KLHL3: variants seen among roughly 807,000 people sequenced by gnomAD.
KLHL3 encodes the protein kelch-like protein 3.
KLHL3 carries 19 observed loss-of-function variants against 70.5 expected under a neutral mutation model. The ratio of observed to expected loss-of-function variants is 0.27; its 90% CI spans 0.19 to 0.40. KLHL3 has a LOEUF of 0.40. Ranked by LOEUF, KLHL3 falls within the 10% of genes least tolerant of loss-of-function variation. The probability of loss-of-function intolerance (pLI) is 1.00; values close to 1 mark genes in which losing one functional copy is unlikely to be tolerated. For synonymous variants in KLHL3, 258 were observed against 290.3 expected, an observed-to-expected ratio of 0.89 and a Z score of 1.13; for missense variants, 512 against 771.1, an observed-to-expected ratio of 0.66 and a Z score of 3.98.
intron 12 of KLHL3, among the ~76,000 whole-genome samples, chr5:137,630,512 C>G (rs1465833085): frequency 6.6e-6 from 1 of 152,188 alleles, no homozygotes; most frequent in African/African-American, 2.4e-5. Flanking sequence ...GGAGCAGTCA[C>G]ACATCTCAGG....
At chr5:137,720,821 A>AT in intron 1 of KLHL3, 1 of 1,343,300 alleles carries the variant, frequency 7.4e-7, no homozygotes, top group Non-Finnish European at 9.6e-7. Flanking sequence ...GTACTGTGTG[A>AT]TTTTGTGTGA....
chr5:137,718,645 G>C lies in KLHL3; in HGVS notation c.134+1820C>G, dbSNP rs1752940728. Among the ~76,000 whole-genome samples the C allele has an allele frequency of 2.0e-5, 3 of 152,240 alleles. 1 individual carries two copies. The highest frequency in any genetic ancestry group is 2.0e-4 in the Admixed American group (3 of 15,288). On this transcript the variant is annotated intron_variant, in intron 2 of 14. Coordinates refer to ENST00000309755, the MANE Select transcript of KLHL3 (RefSeq NM_017415.3). ...CCAGGCAAAATAAGGCCTGGTGAAA[G>C]ACTCCTAAATCAGACAAAGGGCACA...
chr5:137,682,882 C>T (rs1310110225), intron 5 of KLHL3, among the ~76,000 whole-genome samples: 1 of 152,174 alleles, frequency 6.6e-6, no homozygotes, highest in Non-Finnish European at 1.5e-5. Flanking sequence ...CAGGACTATT[C>T]TTCTCTCTTC....
chr5:137,727,456 C>G (rs1202528010), intron 1 of KLHL3, among the ~76,000 whole-genome samples: 1 of 152,154 alleles, frequency 6.6e-6, no homozygotes. Flanking sequence ...CTCACTGATT[C>G]CTCACTGCAT....
At chr5:137,656,642 A>G (rs957762464) in intron 8 of KLHL3, among the ~76,000 whole-genome samples, 4 of 152,272 alleles carry the variant, frequency 2.6e-5, no homozygotes, top group Admixed American at 2.6e-4. Context: ...TATTTCAACC[A>G]AACAAAACAA....
intron 8 of KLHL3, among the ~76,000 whole-genome samples, chr5:137,656,276 T>C (rs942582654): frequency 6.6e-6 from 1 of 152,064 alleles, no homozygotes; most frequent in South Asian, 2.1e-4. Flanking sequence ...CACATAATAG[T>C]GCATAAATAC....
At chr5:137,653,461 C>T (rs1751260434) in intron 8 of KLHL3, among the ~76,000 whole-genome samples, 1 of 152,124 alleles carries the variant, frequency 6.6e-6, no homozygotes, top group Admixed American at 6.5e-5. Context: ...ATAGACACTT[C>T]ACCAAAGAAG....
intron 8 of KLHL3, chr5:137,647,642 A>G (rs896120656): frequency 2.1e-6 from 1 of 469,226 alleles, no homozygotes; most frequent in Non-Finnish European, 4.4e-6. Flanking sequence ...GTGGGGCCGC[A>G]GGGCTAACAC....
intron 6 of KLHL3, among the ~76,000 whole-genome samples, chr5:137,669,362 A>G (rs150977893): frequency 6.6e-6 from 1 of 152,136 alleles, no homozygotes; most frequent in Non-Finnish European, 1.5e-5. Context: ...GCTACCTGCC[A>G]CACAGAGAAA....
intron 14 of KLHL3, among the ~76,000 whole-genome samples, chr5:137,622,654 A>T (rs1191692847): frequency 6.6e-6 from 1 of 152,244 alleles, no homozygotes; most frequent in Non-Finnish European, 1.5e-5. Flanking sequence ...CTTTAGGCTC[A>T]GTTCCCACAC....
intron 2 of KLHL3, among the ~76,000 whole-genome samples, chr5:137,717,446 C>T (rs1752915789): frequency 6.6e-6 from 1 of 152,220 alleles, no homozygotes; most frequent in South Asian, 2.1e-4. Context: ...AGGAGAATTG[C>T]TTGAACCCGG....
intron 6 of KLHL3, among the ~76,000 whole-genome samples, chr5:137,665,962 T>G (rs1223749051): frequency 6.6e-6 from 1 of 152,196 alleles, no homozygotes; most frequent in Non-Finnish European, 1.5e-5. Flanking sequence ...ATAACCTATA[T>G]GTGTACAAAC....
intron 6 of KLHL3, among the ~76,000 whole-genome samples, chr5:137,676,199 T>C (rs1751880000): frequency 6.6e-6 from 1 of 152,226 alleles, no homozygotes; most frequent in African/African-American, 2.4e-5. Context: ...TTTTTTATTT[T>C]AAGAAATGTT....
chr5:137,693,669 G>A (rs892855839), intron 4 of KLHL3, among the ~76,000 whole-genome samples: 4 of 152,038 alleles, frequency 2.6e-5, no homozygotes, highest in African/African-American at 9.7e-5. Flanking sequence ...GCTTATCTTG[G>A]GGACCCTGGC....
At chr5:137,712,663 A>G (rs2149931067) in intron 2 of KLHL3, among the ~76,000 whole-genome samples, 1 of 152,078 alleles carries the variant, frequency 6.6e-6, no homozygotes, top group African/African-American at 2.4e-5. Context: ...CTATCACACT[A>G]CTCCATCTTG....
At chr5:137,641,023 T>C (rs917594506) in intron 8 of KLHL3, among the ~76,000 whole-genome samples, 4 of 152,216 alleles carry the variant, frequency 2.6e-5, no homozygotes, top group African/African-American at 9.6e-5. Flanking sequence ...CTGGTTAGGT[T>C]AATAGAACTG....
At chr5:137,731,810 T>C (rs1753177931) in intron 1 of KLHL3, among the ~76,000 whole-genome samples, 1 of 152,226 alleles carries the variant, frequency 6.6e-6, no homozygotes, top group East Asian at 1.9e-4. Flanking sequence ...TCTGTAACTC[T>C]TGCAGATCTG....
intron 14 of KLHL3, 108 bp from the exon 15 acceptor site, chr5:137,622,234 T>G: frequency 7.5e-7 from 1 of 1,325,382 alleles, no homozygotes; most frequent in South Asian, 1.2e-5. Flanking sequence ...AAGGGAAATG[T>G]GTGCAATTTT....
At chr5:137,717,849 T>C (rs1752923674) in intron 2 of KLHL3, among the ~76,000 whole-genome samples, 1 of 152,186 alleles carries the variant, frequency 6.6e-6, no homozygotes, top group Non-Finnish European at 1.5e-5. Flanking sequence ...TAGATTGTGG[T>C]CCATTTGAAA....
Sources: gnomAD v4.1 joint callset for allele counts (sites outside exome capture counted in the v4.1 genomes callset) on GRCh38, gnomAD v4.1.1 for gene constraint, MANE v1.5 for transcripts, NCBI Gene and HGNC (gene_info 2026-07-23, HGNC 2026-07-21) for gene names.